LRP6: variants seen among roughly 807,000 people sequenced by gnomAD.
The protein encoded by LRP6 is LDL receptor related protein 6, also known as low-density lipoprotein receptor-related protein 6.
LRP6 carries 43 observed loss-of-function variants against 184.1 expected under a neutral mutation model. The ratio of observed to expected loss-of-function variants is 0.23; its 90% CI spans 0.18 to 0.30. LRP6 has a LOEUF of 0.30. Ranked by LOEUF, LRP6 falls within the 10% of genes least tolerant of loss-of-function variation. The probability of loss-of-function intolerance (pLI) is 1.00; values close to 1 mark genes in which losing one functional copy is unlikely to be tolerated. For synonymous variants in LRP6, 719 were observed against 684.9 expected, an observed-to-expected ratio of 1.05 and a Z score of -0.78; for missense variants, 1,571 against 2,005.3, an observed-to-expected ratio of 0.78 and a Z score of 4.14.
chr12:12,148,818 T>C, intron 14 of LRP6, 124 bp downstream of exon 14: 1 of 791,670 alleles, frequency 1.3e-6, no homozygotes, highest in South Asian at 1.4e-5. Flanking sequence ...AACAAACTGA[T>C]AGAGAATATT....
intron 3 of LRP6, among the ~76,000 whole-genome samples, chr12:12,191,675 TTAAAG>T (rs1365103024): frequency 3.9e-5 from 6 of 152,034 alleles, no homozygotes; most frequent in Admixed American, 1.3e-4. Context: ...GTCAAAGTAT[TTAAAG>T]TAAGATACTA....
intron 16 of LRP6, among the ~76,000 whole-genome samples, chr12:12,136,079 C>T (rs1305995884): frequency 2.6e-5 from 4 of 151,874 alleles, no homozygotes; most frequent in South Asian, 4.2e-4. Context: ...CCCAGCTACT[C>T]GGGAGGCTGA....
intron 2 of LRP6, among the ~76,000 whole-genome samples, chr12:12,220,875 C>T (rs576792630): frequency 2.8e-4 from 43 of 152,326 alleles, no homozygotes; most frequent in African/African-American, 1.0e-3. Flanking sequence ...GCTGGGATTA[C>T]AGGCATGAGC....
intron 2 of LRP6, among the ~76,000 whole-genome samples, chr12:12,231,962 C>A (rs1021187806): frequency 6.6e-6 from 1 of 151,406 alleles, no homozygotes; most frequent in Non-Finnish European, 1.5e-5. Flanking sequence ...TTGCAGTGAG[C>A]TGAGACTGCG....
chr12:12,154,536 A>C (rs1950125406), intron 12 of LRP6, among the ~76,000 whole-genome samples: 1 of 152,234 alleles, frequency 6.6e-6, no homozygotes, highest in African/African-American at 2.4e-5. Flanking sequence ...TTGATAAATA[A>C]ACACTCATTA....
Position 12,119,390 on chromosome 12 carries a change from C to T in LRP6, c.*1736G>A, listed in dbSNP as rs1949562961. ...AATTCAATAATTAACTGACCAACAC[C>T]TCTTAAGCTAAAAATACATTAGTTT... is the stretch of plus-strand genomic sequence containing the variant. On this transcript the variant is annotated 3_prime_UTR_variant, in exon 23 of 23. Transcript: ENST00000261349. 6.6e-6 allele frequency: 1 copy of T among 152,040 alleles called. No individual in the cohort carries two copies. The highest frequency in any genetic ancestry group is 2.4e-5 in the African/African-American group (1 of 41,402). The allele number at this position is 152,040 out of a possible 1,614,324, so 9.4% of individuals were successfully genotyped here.
intron 1 of LRP6, among the ~76,000 whole-genome samples, chr12:12,258,976 G>A (rs1865543730): frequency 6.6e-6 from 1 of 151,936 alleles, no homozygotes; most frequent in African/African-American, 2.4e-5. Context: ...AAAAAAAAAT[G>A]ACAGCTGTGT....
intron 2 of LRP6, among the ~76,000 whole-genome samples, chr12:12,216,666 A>G (rs539078617): frequency 3.3e-5 from 5 of 151,730 alleles, no homozygotes; most frequent in Admixed American, 6.5e-5. Flanking sequence ...AAAAAAAAAA[A>G]AAAAGAAAAG....
intron 1 of LRP6, among the ~76,000 whole-genome samples, chr12:12,248,732 G>A (rs1014447890): frequency 1.1e-4 from 16 of 151,770 alleles, no homozygotes; most frequent in Admixed American, 6.6e-4. Flanking sequence ...CGCCCGCCTC[G>A]GCCTCCCAAA....
intron 2 of LRP6, among the ~76,000 whole-genome samples, chr12:12,240,425 A>C (rs2135910452): frequency 6.6e-6 from 1 of 152,196 alleles, no homozygotes; most frequent in Non-Finnish European, 1.5e-5. Flanking sequence ...ACAAAAAATT[A>C]GCTAGGCAAA....
At chr12:12,224,515 A>C (rs960628050) in intron 2 of LRP6, among the ~76,000 whole-genome samples, 2 of 152,216 alleles carry the variant, frequency 1.3e-5, no homozygotes, top group Non-Finnish European at 1.5e-5. Context: ...GCTTCAAAAG[A>C]AAAATGTTAA....
chr12:12,132,017 C>A lies in LRP6; in HGVS notation c.3774G>T (p.Thr1258=), dbSNP rs781680814. The A allele has an allele frequency of 1.6e-5, 26 of 1,613,974 alleles. No individual in the cohort carries two copies. In the Admixed American group the frequency reaches 4.2e-4, roughly 26 times the overall value. ...CCACAGGGATACAGTCAATTTCCCC[C>A]GTGAAACAAGTAAACTGCTGAGGAG... The part of the protein sequence containing the change: ...TCSPQQFTCF[T]GEIDCIPVAW... Residue 1258 remains threonine (T), a synonymous_variant, in exon 18 of 23, where the codon ACG becomes ACT. Coordinates refer to ENST00000261349, the MANE Select transcript of LRP6 (RefSeq NM_002336.3).
chr12:12,237,477 A>G (rs1245868496), intron 2 of LRP6, among the ~76,000 whole-genome samples: 1 of 152,240 alleles, frequency 6.6e-6, no homozygotes, highest in Admixed American at 6.5e-5. Flanking sequence ...GTATGATGAG[A>G]AACAGGATAA....
At chr12:12,218,960 TG>T (rs1289674118) in intron 2 of LRP6, among the ~76,000 whole-genome samples, 11 of 152,084 alleles carry the variant, frequency 7.2e-5, no homozygotes, top group African/African-American at 1.9e-4. Flanking sequence ...AATGTGGGGC[TG>T]GGTGTGGTTG....
intron 3 of LRP6, among the ~76,000 whole-genome samples, chr12:12,196,172 G>C (rs772754141): frequency 2.0e-5 from 3 of 151,310 alleles, no homozygotes; most frequent in Admixed American, 2.0e-4. Context: ...TGGCTATTCA[G>C]GGTCTTTTAT....
chr12:12,176,224 G>C lies in LRP6; in HGVS notation c.1545+3586C>G, dbSNP rs1228764698. Among the ~76,000 whole-genome samples the C allele has an allele frequency of 2.0e-5, 3 of 152,176 alleles. No homozygotes were observed. In the East Asian group the frequency reaches 5.8e-4, roughly 29 times the overall value. Reference sequence around the variant, plus strand: ...ATCAGGAGGGGGGGTGGTGGCAGAAGTACTGTGCAGACAAGTAAACTAGGT... The same window carrying C: ...ATCAGGAGGGGGGGTGGTGGCAGAACTACTGTGCAGACAAGTAAACTAGGT... On this transcript the variant is annotated intron_variant, in intron 7 of 22. Coordinates refer to ENST00000261349, the MANE Select transcript of LRP6 (RefSeq NM_002336.3).
intron 7 of LRP6, among the ~76,000 whole-genome samples, chr12:12,176,217 G>A (rs1177359171): frequency 1.3e-5 from 2 of 152,178 alleles, no homozygotes; most frequent in African/African-American, 4.8e-5. Context: ...GGGGGGTGGT[G>A]GCAGAAGTAC....
intron 2 of LRP6, among the ~76,000 whole-genome samples, chr12:12,238,297 A>T (rs1343673535): frequency 6.6e-6 from 1 of 151,860 alleles, no homozygotes; most frequent in Non-Finnish European, 1.5e-5. Context: ...AGAGGAAAGG[A>T]ACAGGGAATT....
At chr12:12,223,609 T>A (rs926540928) in intron 2 of LRP6, among the ~76,000 whole-genome samples, 1 of 152,202 alleles carries the variant, frequency 6.6e-6, no homozygotes, top group African/African-American at 2.4e-5. Context: ...CAGTATTTTT[T>A]AAATCAAATG....
Sources: allele counts gnomAD v4.1 joint callset (sites outside exome capture counted in the v4.1 genomes callset), GRCh38; gene constraint gnomAD v4.1.1; transcripts MANE v1.5; gene names NCBI Gene and HGNC (gene_info 2026-07-23, HGNC 2026-07-21).